MAPT: variants seen among roughly 807,000 people sequenced by gnomAD.
The protein encoded by MAPT is microtubule-associated protein tau.
In MAPT, 34 loss-of-function variants were observed where a neutral mutation model predicts 67.9. That is an observed-to-expected ratio of 0.50 (90% CI 0.38 to 0.67). The LOEUF is 0.67. Ranked by LOEUF, MAPT falls within the 30% of genes least tolerant of loss-of-function variation. MAPT has a pLI of 0.00. For missense variants in MAPT, 881 were observed against 1,115.2 expected, an observed-to-expected ratio of 0.79 and a Z score of 2.99; for synonymous variants, 456 against 464.5, an observed-to-expected ratio of 0.98 and a Z score of 0.23.
rs10445337 is a variant in MAPT at position 45,990,034 on chromosome 17, T to C, written c.1564T>C (p.Ser522Pro). ...TCCTAAATACGTCTCTTCTGTCACT[T>C]CCCGAACTGGCAGTTCTGGAGCAAA... The part of the protein sequence containing the change: ...SSPKYVSSVT[S>P]RTGSSGAKEM... The change falls in exon 7 of 13, where the codon TCC (serine) becomes CCC (proline). Residue 522 changes from serine (S) to proline (P), a missense_variant. By Grantham distance (74) the Ser-to-Pro change is moderately conservative. Around this residue, in one of 6 missense-constraint regions of MAPT, gnomAD observed 687 missense variants for 766.1 expected, o/e 0.90. Transcript: ENST00000262410. 305,028 of 1,613,906 alleles carry C rather than the reference T, an allele frequency of 0.19. 32,818 individuals are homozygous for C. Among genetic ancestry groups the C allele is most frequent in the Non-Finnish European group, 0.22 (261,331 of 1,179,830 alleles).
chr17:45,991,347 C>T, intron 7 of MAPT, 113 bp from the exon 8 acceptor site: 2 of 1,404,122 alleles, frequency 1.4e-6, no homozygotes, highest in Middle Eastern at 2.4e-4. Flanking sequence ...AAAGGGTCAC[C>T]CCAGTCTTAG....
rs1362932450 is a variant in MAPT at position 46,009,227 on chromosome 17, C to T, written c.1999-1083C>T. 6.6e-5 allele frequency among the ~76,000 whole-genome samples: 10 copies of T among 152,014 alleles called. 1 individual carries two copies. Among genetic ancestry groups the T allele is most frequent in the Non-Finnish European group, 4.4e-5 (3 of 68,004 alleles). On this transcript the variant is annotated intron_variant, in intron 9 of 12. Transcript: ENST00000262410. ...AAAGAAAAAAAACAAAACAAAAAAC[C>T]CAAAGCACACTGTTTCCACTGTTTC...
Position 46,005,907 on chromosome 17 carries a change from A to G in MAPT, c.1999-4403A>G, listed in dbSNP as rs866876381. Among the ~76,000 whole-genome samples, 4 of 152,230 alleles carry G rather than the reference A, an allele frequency of 2.6e-5. No individual in the cohort carries two copies. The East Asian group carries it at 7.7e-4, about 29-fold the overall frequency. ...GTCACATAGATAGCCTGTGGCTACA[A>G]ACTCTGAGATCTAGATTCTTCTGTG... On this transcript the variant is annotated intron_variant, in intron 9 of 12. Coordinates refer to ENST00000262410, the MANE Select transcript of MAPT (RefSeq NM_001377265.1).
chr17:46,026,341 G>C lies in MAPT; in HGVS notation c.*2170G>C, dbSNP rs1261059705. On this transcript the variant is annotated 3_prime_UTR_variant, in exon 13 of 13. Transcript: ENST00000262410. ...AGCACAGGATTAGGACTGAAGCGATGATGTCCCCTTCCCTACTTCCCCTTG... is the reference window on the plus strand; with the variant it reads ...AGCACAGGATTAGGACTGAAGCGATCATGTCCCCTTCCCTACTTCCCCTTG... 3 of 152,662 alleles carry C rather than the reference G, an allele frequency of 2.0e-5. No individual in the cohort carries two copies. The highest frequency in any genetic ancestry group is 2.0e-4 in the Admixed American group (3 of 15,280). 9.5% of individuals were successfully genotyped at this position (152,662 alleles called of 1,614,324 possible).
chr17:46,026,870 C>G lies in MAPT; in HGVS notation c.*2699C>G, dbSNP rs1277575578. 6.6e-6 allele frequency: 1 copy of G among 152,194 alleles called. No homozygotes were observed. The highest frequency in any genetic ancestry group is 6.5e-5 in the Admixed American group (1 of 15,282). 9.4% of individuals were successfully genotyped at this position (152,194 alleles called of 1,614,324 possible). A position where few individuals can be genotyped will look rare whatever the true frequency, so the allele number is the denominator to read the frequency against. On this transcript the variant is annotated 3_prime_UTR_variant, in exon 13 of 13. Transcript: ENST00000262410. ...TCAGCAGCCTCAGGCCCAATTCTGC[C>G]ACTTCTGGTTTGGGTACAGTTAAAG...
rs1264968104 is a variant in MAPT, at chr17:45,906,775, G to A, written c.-18+12089G>A. On this transcript the variant is annotated intron_variant, in intron 1 of 12. Transcript: ENST00000262410. The surrounding 1 kb of genome is among the most constrained non-coding windows in gnomAD (Gnocchi z 4.3). ...CTGTGCACTTCGGTCACTGGAATTT[G>A]CCATCTTCCAGTCCCGAATGTGGCA... Among the ~76,000 whole-genome samples the A allele has an allele frequency of 6.6e-6, 1 of 152,008 alleles. No individual in the cohort carries two copies. Among genetic ancestry groups the A allele is most frequent in the Non-Finnish European group, 1.5e-5 (1 of 68,020 alleles).
intron 9 of MAPT, among the ~76,000 whole-genome samples, chr17:45,997,013 C>T (rs1460977655): frequency 6.6e-6 from 1 of 152,224 alleles, no homozygotes; most frequent in East Asian, 1.9e-4. Context: ...ATAGTCAGGG[C>T]ACCCACAGCG....
intron 1 of MAPT, among the ~76,000 whole-genome samples, chr17:45,924,971 C>T (rs1352561027): frequency 6.6e-6 from 1 of 152,088 alleles, no homozygotes; most frequent in Middle Eastern, 3.2e-3. Context: ...GGACTATAGA[C>T]CCTCAACGTA....
chr17:45,919,386 G>T (rs1216630459), intron 1 of MAPT, among the ~76,000 whole-genome samples: 1 of 152,082 alleles, frequency 6.6e-6, no homozygotes, highest in African/African-American at 2.4e-5. Flanking sequence ...GCATCCTCAC[G>T]CTGCAGAGGT....
At chr17:45,921,830 G>C (rs940525290) in intron 1 of MAPT, among the ~76,000 whole-genome samples, 8 of 152,286 alleles carry the variant, frequency 5.3e-5, no homozygotes, top group African/African-American at 1.9e-4. Flanking sequence ...CTTAGGGAAA[G>C]AAGGACGTCT....
chr17:46,019,420 G>A (rs2076385853), intron 12 of MAPT, among the ~76,000 whole-genome samples: 1 of 152,140 alleles, frequency 6.6e-6, no homozygotes, highest in Non-Finnish European at 1.5e-5. Context: ...AGGCTGGAGT[G>A]CACTGGCATG....
intron 1 of MAPT, among the ~76,000 whole-genome samples, chr17:45,920,971 C>G (rs1391982793): frequency 2.6e-5 from 4 of 152,192 alleles, no homozygotes; most frequent in Non-Finnish European, 5.9e-5. Flanking sequence ...ACGTATGCAT[C>G]TTTGCACAAT....
chr17:46,023,320 A>G (rs1434129860), intron 12 of MAPT, among the ~76,000 whole-genome samples: 1 of 152,236 alleles, frequency 6.6e-6, no homozygotes, highest in Non-Finnish European at 1.5e-5. Flanking sequence ...CAGCCTACAC[A>G]TCCATCCACA....
chr17:45,924,903 C>G (rs1048562315), intron 1 of MAPT, among the ~76,000 whole-genome samples: 1 of 152,192 alleles, frequency 6.6e-6, no homozygotes, highest in Non-Finnish European at 1.5e-5. Flanking sequence ...CCTGTATCTT[C>G]CAAGCTGCTT....
rs1356418472 is a variant in MAPT, at chr17:45,955,682, A to G, written c.-17-6639A>G. On this transcript the variant is annotated intron_variant, in intron 1 of 12. Transcript: ENST00000262410. ...GCTGGGAGCCACCTCTGAGAATCCA[A>G]CAGAAGGCAGAGGGGAGAACGGCTC... Among the ~76,000 whole-genome samples the G allele has an allele frequency of 5.3e-5, 8 of 151,844 alleles. No homozygotes were observed. In the East Asian group the frequency reaches 1.2e-3, roughly 22 times the overall value.
At chr17:46,014,981 TG>T (rs1470868374) in intron 11 of MAPT, among the ~76,000 whole-genome samples, 2 of 150,948 alleles carry the variant, frequency 1.3e-5, no homozygotes. Flanking sequence ...GAGGGGATGG[TG>T]GGGGGATGGT....
chr17:45,993,728 T>TTCAG (rs2074254796), intron 8 of MAPT, among the ~76,000 whole-genome samples: 1 of 152,220 alleles, frequency 6.6e-6, no homozygotes, highest in African/African-American at 2.4e-5. Context: ...AACAACGTGA[T>TTCAG]GCATTTCCCT....
intron 2 of MAPT, among the ~76,000 whole-genome samples, chr17:45,970,498 A>C (rs529023143): frequency 6.6e-6 from 1 of 152,356 alleles, no homozygotes; most frequent in South Asian, 2.1e-4. Context: ...AACTGAAGGG[A>C]AGCCCAGGGC....
intron 9 of MAPT, among the ~76,000 whole-genome samples, chr17:46,006,975 AAAAT>A (rs1044803618): frequency 1.4e-4 from 14 of 101,520 alleles, no homozygotes; most frequent in Admixed American, 3.2e-4. Context: ...AAAATAAAAT[AAAAT>A]AAATAAAATA....
Sources: allele counts gnomAD v4.1 joint callset (sites outside exome capture counted in the v4.1 genomes callset), GRCh38; gene constraint gnomAD v4.1.1; regional missense constraint gnomAD v4.1.1; non-coding constraint Gnocchi (gnomAD v3.1); transcripts MANE v1.5; gene names NCBI Gene and HGNC (gene_info 2026-07-23, HGNC 2026-07-21).